The following GABBR1 variants were observed in gnomAD, a reference collection of about 807,000 sequenced individuals.
The protein encoded by GABBR1 is gamma-aminobutyric acid type B receptor subunit 1, also known as GABA-B receptor, R1 subunit.
In GABBR1, 35 loss-of-function variants were observed where a neutral mutation model predicts 117.7. The observed-to-expected ratio is 0.30, with a 90% CI of 0.23 to 0.39. The LOEUF is 0.39. GABBR1 is among the 10% of genes least tolerant of loss of function. The probability of loss-of-function intolerance (pLI) is 1.00; values close to 1 mark genes in which losing one functional copy is unlikely to be tolerated. For missense variants in GABBR1, 709 were observed against 1,241.8 expected (o/e 0.57, Z 6.45); for synonymous variants, 442 against 486.6 (o/e 0.91, Z 1.21).
At position 29,627,335 on chromosome 6, in the gene GABBR1, T is replaced by C; in HGVS notation, c.657+151A>G. The C allele has an allele frequency of 2.6e-6, 2 of 767,344 alleles. No homozygotes were observed. Among genetic ancestry groups the C allele is most frequent in the Non-Finnish European group, 4.1e-6 (2 of 484,474 alleles). 47.5% of individuals were successfully genotyped at this position (767,344 alleles called of 1,614,324 possible). ...GCCCCTGCGACTCTCCCCAAGCTCC[T>C]GCACCCCCAGCCCATCTCCTGCCAG... On this transcript the variant is annotated intron_variant, in intron 6 of 22. Transcript: ENST00000377034. This position sits in a 1 kb window ranked among gnomAD's most constrained non-coding sequence, Gnocchi z 4.4.
chr6:29,606,754 G>T lies in GABBR1; in HGVS notation c.2217+143C>A. 1 of 702,202 alleles carries T rather than the reference G, an allele frequency of 1.4e-6. No individual in the cohort carries two copies. Among genetic ancestry groups the T allele is most frequent in the African/African-American group, 1.8e-5 (1 of 55,966 alleles). 43.5% of individuals were successfully genotyped at this position (702,202 alleles called of 1,614,324 possible). On this transcript the variant is annotated intron_variant, in intron 18 of 22. Transcript: ENST00000377034. The surrounding 1 kb of genome is among the most constrained non-coding windows in gnomAD (Gnocchi z 4.5). The stretch of plus-strand genomic sequence containing the variant: ...GGAGGCCTATGAGGGGCTCCTTCTA[G>T]GAAGGAAAGGAAGAGCTTCCAATAC...
At position 29,605,543 on chromosome 6, in the gene GABBR1, G is replaced by T. The variant is rs766416073; in HGVS notation, c.2439+26C>A. On this transcript the variant is annotated intron_variant, in intron 20 of 22. Transcript: ENST00000377034. The surrounding 1 kb of genome is among the most constrained non-coding windows in gnomAD (Gnocchi z 4.2). ...TGGGCTGCTGTGGTCAGCCTACAGG[G>T]TCAATGCCATGGGGTCAGTGCTCAC... is the stretch of plus-strand genomic sequence containing the variant. 6.2e-7 allele frequency: 1 copy of T among 1,612,226 alleles called. No individual in the cohort carries two copies. The highest frequency in any genetic ancestry group is 8.5e-7 in the Non-Finnish European group (1 of 1,179,736).
Position 29,620,311 on chromosome 6 carries a change from C to T in GABBR1, c.1323+790G>A, listed in dbSNP as rs1209854777. On this transcript the variant is annotated intron_variant, in intron 11 of 22. Coordinates refer to ENST00000377034, the MANE Select transcript of GABBR1 (RefSeq NM_001470.4). The surrounding 1 kb of genome is among the most constrained non-coding windows in gnomAD (Gnocchi z 4.5). ...CTTTTTAAATCAAGCTATTTTGGGG[C>T]TTTACAACCATTAACTCACCCCTAA... Among the ~76,000 whole-genome samples, 3 of 152,224 alleles carry T rather than the reference C, an allele frequency of 2.0e-5. No homozygotes were observed. The highest frequency in any genetic ancestry group is 4.4e-5 in the Non-Finnish European group (3 of 68,042).
At position 29,622,098 on chromosome 6, in the gene GABBR1, T is replaced by C. The variant is rs368840630; in HGVS notation, c.1065+6A>G. ...AAACAGAGCCCACCACTCCCAGCCA[T>C]CTGACCTTCAGGTTTTTGACGGGCA... On this transcript the variant is annotated splice_donor_region_variant and intron_variant, in intron 9 of 22. Coordinates refer to ENST00000377034, the MANE Select transcript of GABBR1 (RefSeq NM_001470.4). The surrounding 1 kb of genome is among the most constrained non-coding windows in gnomAD (Gnocchi z 4.6). The C allele has an allele frequency of 5.4e-5, 87 of 1,611,966 alleles. No homozygotes were observed. In the Middle Eastern group the frequency reaches 1.0e-3, roughly 19 times the overall value.
chr6:29,626,143 G>GT (rs979321097), intron 6 of GABBR1, among the ~76,000 whole-genome samples: 2 of 152,122 alleles, frequency 1.3e-5, no homozygotes, highest in African/African-American at 4.8e-5. Flanking sequence ...CCACGAGAAA[G>GT]TAACAGTCAA....
chr6:29,629,042 A>AG, intron 5 of GABBR1, 45 bp downstream of exon 5: 1 of 1,609,954 alleles, frequency 6.2e-7, no homozygotes, highest in Non-Finnish European at 8.5e-7. Context: ...TGCAGAGTGA[A>AG]GGGGAGGGCA....
rs1418287345 is a variant in GABBR1 at position 29,611,923 on chromosome 6, A to T, written c.1630+628T>A. On this transcript the variant is annotated intron_variant, in intron 13 of 22. Transcript: ENST00000377034. The surrounding 1 kb of genome is among the most constrained non-coding windows in gnomAD (Gnocchi z 4.6). ...GACAGGTCATCAACCTCTCAACCCA[A>T]GCCACTCAAGGGGAAATTCCTGAAA... is the stretch of plus-strand genomic sequence containing the variant. Among the ~76,000 whole-genome samples, 1 of 152,194 alleles carries T rather than the reference A, an allele frequency of 6.6e-6. No homozygotes were observed. The highest frequency in any genetic ancestry group is 2.4e-5 in the African/African-American group (1 of 41,448).
At chr6:29,619,297 C>T (rs1458528180) in intron 11 of GABBR1, among the ~76,000 whole-genome samples, 1 of 152,232 alleles carries the variant, frequency 6.6e-6, no homozygotes, top group African/African-American at 2.4e-5. Context: ...TTTGATTAAT[C>T]TATAATCTCT....
intron 5 of GABBR1, chr6:29,628,004 C>T: frequency 1.5e-6 from 2 of 1,309,470 alleles, no homozygotes; most frequent in Non-Finnish European, 1.9e-6. Context: ...ACTCTCCTCG[C>T]GGACTGACTG....
Position 29,621,281 on chromosome 6 carries a change from C to A in GABBR1, c.1143G>T (p.Glu381Asp). The A allele has an allele frequency of 6.2e-7, 1 of 1,612,720 alleles. No homozygotes were observed. The highest frequency in any genetic ancestry group is 8.5e-7 in the Non-Finnish European group (1 of 1,179,794). ...AGACGTACTTCTTCCCAAAGAGACGCTCCTTGTACACCTGAATACAGAGGA... is the reference window on the plus strand; with the variant it reads ...AGACGTACTTCTTCCCAAAGAGACGATCCTTGTACACCTGAATACAGAGGA... Reference protein sequence around the residue: ...ARKVFCEVYKERLFGKKYVWF... With the variant: ...ARKVFCEVYKDRLFGKKYVWF... Residue 381 changes from glutamate to aspartate, a missense_variant, in exon 11 of 23, where the codon GAG (glutamate) becomes GAT (aspartate). Glu to Asp is a conservative substitution (Grantham distance 45). Coordinates refer to ENST00000377034, the MANE Select transcript of GABBR1 (RefSeq NM_001470.4). The surrounding 1 kb of genome is among the most constrained non-coding windows in gnomAD (Gnocchi z 5.0).
At position 29,623,407 on chromosome 6, in the gene GABBR1, G is replaced by A; in HGVS notation, c.861C>T (p.His287=). 2 of 1,614,078 alleles carry A rather than the reference G, an allele frequency of 1.2e-6. No individual in the cohort carries two copies. The highest frequency in any genetic ancestry group is 1.7e-6 in the Non-Finnish European group (2 of 1,180,004). The change falls in exon 8 of 23, where the codon CAC becomes CAT. Residue 287 remains histidine, a synonymous_variant. Transcript: ENST00000377034. The surrounding 1 kb of genome is among the most constrained non-coding windows in gnomAD (Gnocchi z 6.2). ...RQRFPTFFRT[H]PSATLHNPTR... ...TAGGGTTGTGGAGTGTGGCTGATGG[G>A]TGCGTTCGGAAGAAAGTGGGGAAAC...
Position 29,621,395 on chromosome 6 carries a change from G to A in GABBR1, c.1132-103C>T, listed in dbSNP as rs1763736159. 1 of 893,094 alleles carries A rather than the reference G, an allele frequency of 1.1e-6. No individual in the cohort carries two copies. Among genetic ancestry groups the A allele is most frequent in the Non-Finnish European group, 1.7e-6 (1 of 585,422 alleles). The allele number at this position is 893,094 out of a possible 1,614,324, so 55.3% of individuals were successfully genotyped here. A position where few individuals can be genotyped will look rare whatever the true frequency, so the allele number is the denominator to read the frequency against. On this transcript the variant is annotated intron_variant, in intron 10 of 22. Transcript: ENST00000377034. The surrounding 1 kb of genome is among the most constrained non-coding windows in gnomAD (Gnocchi z 5.0). ...GCCTCTTGGGAATCAGGGAAGAGCA[G>A]TAGAACTAAAAAGAGAAATCTACAA...
rs2076489 is a variant in GABBR1, at chr6:29,608,660, A to G, written c.1933T>C (p.Phe645Leu). ...TGGTAACCATCGAGCCCCAGGGGGA[A>G]GACAGCAGCTAAAGCCAGTGAGCAG... is the stretch of plus-strand genomic sequence containing the variant. ...VGCSLALAAV[F>L]PLGLDGYHIG... The change falls in exon 16 of 23, where the codon TTC becomes CTC. Residue 645 changes from phenylalanine (F) to leucine (L), a missense_variant. Around this residue, in one of 9 missense-constraint regions of GABBR1, gnomAD observed 251 missense variants for 445.3 expected, o/e 0.56. Transcript: ENST00000377034. 2,975 of 1,613,096 alleles carry G rather than the reference A, an allele frequency of 1.8e-3. 141 individuals are homozygous for G. In the East Asian group the frequency reaches 0.057, roughly 31 times the overall value.
intron 11 of GABBR1, among the ~76,000 whole-genome samples, chr6:29,614,807 C>T (rs1017317856): frequency 6.6e-5 from 10 of 152,118 alleles, no homozygotes; most frequent in Non-Finnish European, 1.2e-4. Context: ...AGGGTGAACT[C>T]TAATGTAAAC....
At chr6:29,629,048 G>A (rs746061644) in intron 5 of GABBR1, 39 bp downstream of exon 5, 3 of 1,611,198 alleles carry the variant, frequency 1.9e-6, no homozygotes, top group East Asian at 2.2e-5. Context: ...GTGAAGGGGA[G>A]GGCATTGCAG....
At position 29,609,099 on chromosome 6, in the gene GABBR1, A is replaced by G; in HGVS notation, c.1859+130T>C. ...ATCTGGTTTCCCTGTTTTCATTCTC[A>G]ACAAGTCAGAATGAAAAACTCCATG... On this transcript the variant is annotated intron_variant, in intron 15 of 22. Transcript: ENST00000377034. This position sits in a 1 kb window ranked among gnomAD's most constrained non-coding sequence, Gnocchi z 4.3. 4 of 904,774 alleles carry G rather than the reference A, an allele frequency of 4.4e-6. No homozygotes were observed. Among genetic ancestry groups the G allele is most frequent in the Non-Finnish European group, 6.7e-6 (4 of 598,064 alleles). 56.0% of individuals were successfully genotyped at this position (904,774 alleles called of 1,614,324 possible).
chr6:29,608,550 G>T, intron 16 of GABBR1, 51 bp downstream of exon 16: 1 of 1,585,684 alleles, frequency 6.3e-7, no homozygotes, highest in Non-Finnish European at 8.6e-7. Context: ...GTGCTCCTGA[G>T]ACGGGTGGGA....
Position 29,613,508 on chromosome 6 carries a change from G to A in GABBR1, c.1324-23C>T. 3 of 1,607,754 alleles carry A rather than the reference G, an allele frequency of 1.9e-6. No individual in the cohort carries two copies. Among genetic ancestry groups the A allele is most frequent in the Non-Finnish European group, 2.6e-6 (3 of 1,176,142 alleles). On this transcript the variant is annotated intron_variant, in intron 11 of 22. Transcript: ENST00000377034. The surrounding 1 kb of genome is among the most constrained non-coding windows in gnomAD (Gnocchi z 4.1). ...TGTCTTGGGAGGAAAAAATCATGAG[G>A]AAAGAACTGAAATGTGTGTGGGTGT...
At position 29,621,309 on chromosome 6, in the gene GABBR1, A is replaced by G; in HGVS notation, c.1132-17T>C. 6.2e-7 allele frequency: 1 copy of G among 1,602,216 alleles called. No individual in the cohort carries two copies. The highest frequency in any genetic ancestry group is 8.5e-7 in the Non-Finnish European group (1 of 1,173,352). ...CTTGTACACCTGAATACAGAGGAGA[A>G]TGGCTGAGTTTTTGTTTGCTCATTT... On this transcript the variant is annotated splice_polypyrimidine_tract_variant and intron_variant, in intron 10 of 22. Transcript: ENST00000377034. This position sits in a 1 kb window ranked among gnomAD's most constrained non-coding sequence, Gnocchi z 5.0.
Sources: gnomAD v4.1 joint callset for allele counts (sites outside exome capture counted in the v4.1 genomes callset) on GRCh38, gnomAD v4.1.1 for gene constraint, gnomAD v4.1.1 regional missense constraint, Gnocchi (gnomAD v3.1) non-coding constraint, MANE v1.5 for transcripts, NCBI Gene and HGNC (gene_info 2026-07-23, HGNC 2026-07-21) for gene names.